The following MEIOSIN variants were observed in gnomAD, a reference collection of about 807,000 sequenced individuals.
The protein encoded by MEIOSIN is meiosis initiator protein.
MEIOSIN carries 18 observed loss-of-function variants against 23.4 expected under a neutral mutation model. That is an observed-to-expected ratio of 0.77 (90% confidence interval 0.53 to 1.14). MEIOSIN has a LOEUF of 1.14. MEIOSIN is among the 50% of genes most tolerant of loss of function. The pLI is 0.00. For synonymous variants in MEIOSIN, 187 were observed against 100.6 expected, an observed-to-expected ratio of 1.86 and a Z score of -5.14; for missense variants, 428 against 242.9, an observed-to-expected ratio of 1.76 and a Z score of -5.07.
chr19:45,750,819 G>C (rs1600383695), intron 5 of MEIOSIN, 33 bp downstream of exon 5: 1 of 576,492 alleles, frequency 1.7e-6, no homozygotes, highest in South Asian at 2.2e-5. Flanking sequence ...CCTGGTGCCT[G>C]TGATGTTCCA....
At chr19:45,753,517 A>G in intron 5 of MEIOSIN, 134 bp from the exon 6 acceptor site, 1 of 583,238 alleles carries the variant, frequency 1.7e-6, no homozygotes, top group Non-Finnish European at 3.1e-6. Context: ...ATAAGCCCTC[A>G]GTTTCCACAC....
chr19:45,757,935 G>A (rs1027043475), intron 9 of MEIOSIN, among the ~76,000 whole-genome samples: 10 of 151,782 alleles, frequency 6.6e-5, no homozygotes, highest in African/African-American at 2.4e-4. Flanking sequence ...TCAAGGGATC[G>A]TCCTGCCTCA....
rs569935322 is a variant in MEIOSIN, at chr19:45,739,874, C to G, written c.176+144C>G. On this transcript the variant is annotated intron_variant, in intron 3 of 14. Coordinates refer to ENST00000457052, the MANE Select transcript of MEIOSIN (RefSeq NM_001310124.2). ...CTTCCTTTTTTTTTTTGAGACAGAG[C>G]TTTGCTCTTGTTGCCCAAGCTGGAG... 3.7e-4 allele frequency: 223 copies of G among 605,438 alleles called. 2 individuals are homozygous for G. In the South Asian group the frequency reaches 4.2e-3, roughly 11 times the overall value. The allele number at this position is 605,438 out of a possible 1,614,324, so 37.5% of individuals were successfully genotyped here.
chr19:45,747,222 C>T (rs1968611289), intron 4 of MEIOSIN, among the ~76,000 whole-genome samples: 1 of 152,200 alleles, frequency 6.6e-6, no homozygotes, highest in Non-Finnish European at 1.5e-5. Flanking sequence ...TCATCCTTCC[C>T]TCAGCTGCAT....
intron 1 of MEIOSIN, among the ~76,000 whole-genome samples, chr19:45,734,437 A>C (rs1422265863): frequency 6.6e-6 from 1 of 152,088 alleles, no homozygotes; most frequent in Admixed American, 6.6e-5. Flanking sequence ...TGAAGATCAG[A>C]AGTTGACAGT....
chr19:45,748,366 C>A (rs1050891657), intron 4 of MEIOSIN, among the ~76,000 whole-genome samples: 2 of 152,210 alleles, frequency 1.3e-5, no homozygotes, highest in Non-Finnish European at 2.9e-5. Context: ...AGGCGTGAGC[C>A]ACCGCGCCTG....
At chr19:45,746,587 A>G (rs1568555547) in intron 4 of MEIOSIN, among the ~76,000 whole-genome samples, 2 of 152,050 alleles carry the variant, frequency 1.3e-5, no homozygotes, top group Non-Finnish European at 2.9e-5. Flanking sequence ...TGGGAGGCCG[A>G]GGTGGGTGGA....
chr19:45,763,518 T>C (rs1968991166), intron 14 of MEIOSIN, 91 bp downstream of exon 14: 1 of 397,946 alleles, frequency 2.5e-6, no homozygotes, highest in Non-Finnish European at 4.4e-6. Context: ...TTGGGTGTCA[T>C]GGCATGGGAG....
At chr19:45,753,598 T>C (rs190231002) in intron 5 of MEIOSIN, 53 bp from the exon 6 acceptor site, 9 of 667,526 alleles carry the variant, frequency 1.3e-5, no homozygotes, top group East Asian at 2.7e-5. Flanking sequence ...GGAACTGCAG[T>C]TGGATGCAGA....
At chr19:45,760,026 C>T (rs1968909395) in intron 11 of MEIOSIN, among the ~76,000 whole-genome samples, 1 of 151,810 alleles carries the variant, frequency 6.6e-6, no homozygotes, top group Non-Finnish European at 1.5e-5. Flanking sequence ...GTCTCCAACT[C>T]CTGACCTCGA....
chr19:45,759,009 G>T lies in MEIOSIN; in HGVS notation c.1144G>T (p.Asp382Tyr). Residue 382 changes from aspartate (D) to tyrosine (Y), a missense_variant, in exon 10 of 15, where the codon GAT becomes TAT. By Grantham distance (160) the Asp-to-Tyr change is radical. Transcript: ENST00000457052. ...ACTGCTGCCAGACGAGATCTTGGAGGATGACATGGAGTACCTGACCCAAGG... is the reference window on the plus strand; with the variant it reads ...ACTGCTGCCAGACGAGATCTTGGAGTATGACATGGAGTACCTGACCCAAGG... ...GKLLPDEILE[D>Y]DMEYLTQAAF... 2.8e-6 allele frequency: 2 copies of T among 703,094 alleles called. No homozygotes were observed. Among genetic ancestry groups the T allele is most frequent in the Non-Finnish European group, 5.2e-6 (2 of 385,018 alleles). The allele number at this position is 703,094 out of a possible 1,614,324, so 43.6% of individuals were successfully genotyped here.
chr19:45,736,709 C>T (rs1377053848), intron 2 of MEIOSIN, among the ~76,000 whole-genome samples: 1 of 151,888 alleles, frequency 6.6e-6, no homozygotes, highest in Non-Finnish European at 1.5e-5. Flanking sequence ...GCTGGGACTA[C>T]AGGCGCCCAC....
chr19:45,755,563 TGCCTCA>T (rs1968808121), intron 7 of MEIOSIN, among the ~76,000 whole-genome samples: 1 of 152,204 alleles, frequency 6.6e-6, no homozygotes, highest in Non-Finnish European at 1.5e-5. Flanking sequence ...AACAATTCTC[TGCCTCA>T]GCCTCCTGAG....
At chr19:45,743,643 T>C (rs962771580) in intron 3 of MEIOSIN, among the ~76,000 whole-genome samples, 8 of 152,234 alleles carry the variant, frequency 5.3e-5, no homozygotes, top group Admixed American at 1.3e-4. Context: ...TGCCTCAGCC[T>C]CCCGAGTAGC....
At chr19:45,747,144 C>T (rs987506680) in intron 4 of MEIOSIN, among the ~76,000 whole-genome samples, 36 of 152,188 alleles carry the variant, frequency 2.4e-4, no homozygotes, top group African/African-American at 8.4e-4. Flanking sequence ...GGAATTCTCC[C>T]CAGGCCTCAG....
chr19:45,756,087 G>A lies in MEIOSIN; in HGVS notation c.911+9G>A, dbSNP rs1337123070. 12 of 702,490 alleles carry A rather than the reference G, an allele frequency of 1.7e-5. No homozygotes were observed. Among genetic ancestry groups the A allele is most frequent in the African/African-American group, 8.7e-5 (5 of 57,234 alleles). 43.5% of individuals were successfully genotyped at this position (702,490 alleles called of 1,614,324 possible). A position where few individuals can be genotyped will look rare whatever the true frequency, so the allele number is the denominator to read the frequency against. On this transcript the variant is annotated intron_variant, in intron 8 of 14. Transcript: ENST00000457052. ...ACCCAGCCCCATCCCAGGTAAGGGC[G>A]TCCCCAGGGCACTGAGTGAGTGGTG...
intron 13 of MEIOSIN, among the ~76,000 whole-genome samples, chr19:45,763,063 G>C (rs1449173244): frequency 1.3e-5 from 2 of 152,162 alleles, no homozygotes; most frequent in Non-Finnish European, 2.9e-5. Flanking sequence ...CCAGGGGATG[G>C]GGAGGCCCCC....
chr19:45,761,129 CTTT>C (rs34796716), intron 11 of MEIOSIN, among the ~76,000 whole-genome samples: 1 of 138,904 alleles, frequency 7.2e-6, no homozygotes, highest in Non-Finnish European at 1.6e-5. Context: ...AATTCAATTT[CTTT>C]TTTTTTTTTT....
Position 45,764,252 on chromosome 19 carries a change from AG to A in MEIOSIN, c.*140del, listed in dbSNP as rs922673593. 5 of 397,328 alleles carry A rather than the reference AG, an allele frequency of 1.3e-5. No individual in the cohort carries two copies. The highest frequency in any genetic ancestry group is 6.2e-5 in the African/African-American group (3 of 48,618). 24.6% of individuals were successfully genotyped at this position (397,328 alleles called of 1,614,324 possible). A position where few individuals can be genotyped will look rare whatever the true frequency, so the allele number is the denominator to read the frequency against. On this transcript the variant is annotated 3_prime_UTR_variant, in exon 15 of 15. Transcript: ENST00000457052. ...GAATGCAGGTCCCATGGGACTGGGG[AG>A]GGGGGCACTGATTAGCCCCAACCGC...
Sources: allele counts gnomAD v4.1 joint callset (sites outside exome capture counted in the v4.1 genomes callset), GRCh38; gene constraint gnomAD v4.1.1; transcripts MANE v1.5; gene names NCBI Gene and HGNC (gene_info 2026-07-23, HGNC 2026-07-21).